RAB3A: variants seen among roughly 807,000 people sequenced by gnomAD.
RAB3A encodes ras-related protein Rab-3A.
RAB3A carries 5 observed loss-of-function variants against 19.7 expected under a neutral mutation model. The ratio of observed to expected loss-of-function variants is 0.25; its 90% CI spans 0.13 to 0.53. The LOEUF (loss-of-function observed/expected upper bound fraction) is 0.53. RAB3A is among the 20% of genes least tolerant of loss of function. The pLI is 0.95. For synonymous variants in RAB3A, 119 were observed against 122.1 expected, an observed-to-expected ratio of 0.97 and a Z score of 0.17; for missense variants, 189 against 305.6, an observed-to-expected ratio of 0.62 and a Z score of 2.85.
chr19:18,200,927 C>G lies in RAB3A; in HGVS notation c.229-482G>C, dbSNP rs1279584778. Among the ~76,000 whole-genome samples the G allele has an allele frequency of 4.6e-5, 7 of 151,142 alleles. No homozygotes were observed. In the South Asian group the frequency reaches 1.5e-3, roughly 32 times the overall value. On this transcript the variant is annotated intron_variant, in intron 2 of 4. Coordinates refer to ENST00000222256, the MANE Select transcript of RAB3A (RefSeq NM_002866.5). The stretch of plus-strand genomic sequence containing the variant: ...TTCAGCCTGGGTGACAGAGTGAAAC[C>G]CTGTCTCAAAAAACAAACAGGGGGT...
intron 4 of RAB3A, 93 bp downstream of exon 4, chr19:18,198,615 AGAAAGTGTGAATTACCT>A: frequency 7.1e-7 from 1 of 1,409,718 alleles, no homozygotes; most frequent in Non-Finnish European, 9.6e-7. Context: ...GCTAGTTTGC[AGAAAGTGTGAATTACCT>A]GGCTTTAGCT....
intron 4 of RAB3A, among the ~76,000 whole-genome samples, chr19:18,197,886 T>TC (rs1967553850): frequency 6.7e-6 from 1 of 149,146 alleles, no homozygotes; most frequent in Non-Finnish European, 1.5e-5. Flanking sequence ...TTTTTTTTTT[T>TC]TTTTTTTTTT....
At chr19:18,199,536 T>G (rs1967580144) in intron 3 of RAB3A, among the ~76,000 whole-genome samples, 1 of 151,702 alleles carries the variant, frequency 6.6e-6, no homozygotes, top group Admixed American at 6.6e-5. Context: ...ACTCTCCTTT[T>G]TTTTTTGAGA....
At position 18,202,489 on chromosome 19, in the gene RAB3A, G is replaced by C; in HGVS notation, c.228+24C>G. ...GTACGGGAATCCAACCGAGCCGGGCGGGAGCCCTCCAGCTGGGACCCACCC... is the reference window on the plus strand; with the variant it reads ...GTACGGGAATCCAACCGAGCCGGGCCGGAGCCCTCCAGCTGGGACCCACCC... On this transcript the variant is annotated intron_variant, in intron 2 of 4. Coordinates refer to ENST00000222256, the MANE Select transcript of RAB3A (RefSeq NM_002866.5). This position sits in a 1 kb window ranked among gnomAD's most constrained non-coding sequence, Gnocchi z 4.2. The C allele has an allele frequency of 6.2e-7, 1 of 1,605,576 alleles. No homozygotes were observed. Among genetic ancestry groups the C allele is most frequent in the Non-Finnish European group, 8.5e-7 (1 of 1,172,564 alleles).
Position 18,202,460 on chromosome 19 carries a change from C to A in RAB3A, c.228+53G>T. The stretch of plus-strand genomic sequence containing the variant: ...GATAGACGAGGTTGGGGCTGCTTTT[C>A]CAAGTACGGGAATCCAACCGAGCCG... On this transcript the variant is annotated intron_variant, in intron 2 of 4. Transcript: ENST00000222256. This position sits in a 1 kb window ranked among gnomAD's most constrained non-coding sequence, Gnocchi z 4.2. 1 of 1,522,830 alleles carries A rather than the reference C, an allele frequency of 6.6e-7. No individual in the cohort carries two copies. 94.3% of individuals were successfully genotyped at this position (1,522,830 alleles called of 1,614,324 possible).
rs755713110 is a variant in RAB3A, at chr19:18,202,680, A to G, written c.61T>C (p.Tyr21His). Reference protein sequence around the residue: ...QKESSDQNFDYMFKILIIGNS... With the variant: ...QKESSDQNFDHMFKILIIGNS... The stretch of plus-strand genomic sequence containing the variant: ...CCGATGATGAGAATCTTGAACATGT[A>G]GTCGAAGTTCTGATCCGAGGACTCC... Residue 21 changes from tyrosine to histidine, a missense_variant, in exon 2 of 5, where the codon TAC becomes CAC. Tyr to His is a moderately conservative substitution (Grantham distance 83). Coordinates refer to ENST00000222256, the MANE Select transcript of RAB3A (RefSeq NM_002866.5). This position sits in a 1 kb window ranked among gnomAD's most constrained non-coding sequence, Gnocchi z 4.2. 1.2e-6 allele frequency: 2 copies of G among 1,614,094 alleles called. No individual in the cohort carries two copies. The highest frequency in any genetic ancestry group is 1.7e-6 in the Non-Finnish European group (2 of 1,180,008).
Position 18,197,147 on chromosome 19 carries a change from G to A in RAB3A, c.*323C>T, listed in dbSNP as rs1967538054. On this transcript the variant is annotated 3_prime_UTR_variant, in exon 5 of 5. Coordinates refer to ENST00000222256, the MANE Select transcript of RAB3A (RefSeq NM_002866.5). ...GCCCCTCTTCACAACTGACAACTGT[G>A]GATGGGGGTGAATTTTAAAAAAAGG... 3.1e-6 allele frequency: 1 copy of A among 318,740 alleles called. No homozygotes were observed. Among genetic ancestry groups the A allele is most frequent in the African/African-American group, 2.4e-5 (1 of 41,846 alleles). The allele number at this position is 318,740 out of a possible 1,614,324, so 19.7% of individuals were successfully genotyped here.
chr19:18,201,496 GA>G (rs1370580561), intron 2 of RAB3A, among the ~76,000 whole-genome samples: 4 of 152,258 alleles, frequency 2.6e-5, no homozygotes, highest in Admixed American at 2.0e-4. Context: ...TGAGGCAGGA[GA>G]ATCGCTTGAA....
At chr19:18,198,605 G>C (rs1037873722) in intron 4 of RAB3A, 120 bp downstream of exon 4, 3 of 1,295,146 alleles carry the variant, frequency 2.3e-6, no homozygotes, top group Non-Finnish European at 3.2e-6. Context: ...CTGGATGAAG[G>C]CTAGTTTGCA....
chr19:18,198,787 C>T lies in RAB3A; in HGVS notation c.410G>A (p.Cys137Tyr), dbSNP rs1967569742. 1 of 1,614,184 alleles carries T rather than the reference C, an allele frequency of 6.2e-7. No individual in the cohort carries two copies. Among genetic ancestry groups the T allele is most frequent in the Non-Finnish European group, 8.5e-7 (1 of 1,180,030 alleles). Residue 137 changes from cysteine to tyrosine, a missense_variant, in exon 4 of 5, where the codon TGT becomes TAT. Cys to Tyr is a radical substitution (Grantham distance 194). Coordinates refer to ENST00000222256, the MANE Select transcript of RAB3A (RefSeq NM_002866.5). ...CACCACCCGCTCATCCTCCATGTCA[C>T]ACTTGTTTCCTACCAGCAGCACCTG... ...NAQVLLVGNK[C>Y]DMEDERVVSS...
intron 3 of RAB3A, 31 bp downstream of exon 3, chr19:18,200,293 AAAG>A: frequency 6.6e-7 from 1 of 1,521,948 alleles, no homozygotes; most frequent in Non-Finnish European, 9.0e-7. Context: ...AAAGAAAAGA[AAAG>A]AAAAAAAAAG....
At chr19:18,201,473 C>G (rs1967610567) in intron 2 of RAB3A, among the ~76,000 whole-genome samples, 1 of 151,994 alleles carries the variant, frequency 6.6e-6, no homozygotes, top group South Asian at 2.1e-4. Flanking sequence ...GTAATCCCAG[C>G]TACTCAGGAG....
Position 18,200,580 on chromosome 19 carries a change from G to A in RAB3A, c.229-135C>T, listed in dbSNP as rs553207897. On this transcript the variant is annotated intron_variant, in intron 2 of 4. Coordinates refer to ENST00000222256, the MANE Select transcript of RAB3A (RefSeq NM_002866.5). ...CCAGGGGCACAAAGTGTCAGGAAGA[G>A]CAGGTTGGGTCACCAGTGCTCAGAA... 137 of 673,684 alleles carry A rather than the reference G, an allele frequency of 2.0e-4. 2 individuals carry two copies. The South Asian group carries it at 2.5e-3, about 12-fold the overall frequency. The allele number at this position is 673,684 out of a possible 1,614,324, so 41.7% of individuals were successfully genotyped here. A position where few individuals can be genotyped will look rare whatever the true frequency, so the allele number is the denominator to read the frequency against.
In RAB3A at chr19:18,202,315, C is replaced by A. The variant is rs1330750742; in HGVS notation, c.228+198G>T. ...ATGGAAGAACTTGAAGATGGGGAAA[C>A]TGAGGGACCAGGATTAGGTGCTTAT... On this transcript the variant is annotated intron_variant, in intron 2 of 4. Coordinates refer to ENST00000222256, the MANE Select transcript of RAB3A (RefSeq NM_002866.5). This position sits in a 1 kb window ranked among gnomAD's most constrained non-coding sequence, Gnocchi z 4.2. 9.0e-6 allele frequency: 5 copies of A among 552,638 alleles called. No individual in the cohort carries two copies. Among genetic ancestry groups the A allele is most frequent in the Non-Finnish European group, 1.3e-5 (4 of 308,240 alleles). The allele number at this position is 552,638 out of a possible 1,614,324, so 34.2% of individuals were successfully genotyped here.
At chr19:18,200,494 C>T (rs746916771) in intron 2 of RAB3A, 49 bp from the exon 3 acceptor site, 10 of 1,466,106 alleles carry the variant, frequency 6.8e-6, no homozygotes, top group East Asian at 2.3e-5. Context: ...ATAAGGCCCT[C>T]GAAGAGGAAA....
intron 3 of RAB3A, 137 bp from the exon 4 acceptor site, chr19:18,198,986 T>C (rs1475909529): frequency 1.3e-5 from 14 of 1,097,956 alleles, no homozygotes; most frequent in Non-Finnish European, 1.6e-5. Context: ...CCACCATCCT[T>C]TCCCCCAATG....
chr19:18,200,717 T>A (rs1967596922), intron 2 of RAB3A, among the ~76,000 whole-genome samples: 1 of 151,956 alleles, frequency 6.6e-6, no homozygotes, highest in Non-Finnish European at 1.5e-5. Context: ...GGCAGGTGGC[T>A]TGAACCCAGG....
rs1193442366 is a variant in RAB3A at position 18,203,882 on chromosome 19, G to A, written c.-1+14C>T. ...GCTCGGAGCCTGAGCACACCCGGCC[G>A]CCCAGGAGCTCACCTTGCCCTGCAC... On this transcript the variant is annotated intron_variant, in intron 1 of 4. Coordinates refer to ENST00000222256, the MANE Select transcript of RAB3A (RefSeq NM_002866.5). 6.5e-6 allele frequency: 1 copy of A among 153,202 alleles called. No homozygotes were observed. The highest frequency in any genetic ancestry group is 1.5e-5 in the Non-Finnish European group (1 of 68,344). 9.5% of individuals were successfully genotyped at this position (153,202 alleles called of 1,614,324 possible). A position where few individuals can be genotyped will look rare whatever the true frequency, so the allele number is the denominator to read the frequency against.
At chr19:18,201,308 G>A (rs1368328531) in intron 2 of RAB3A, among the ~76,000 whole-genome samples, 2 of 145,324 alleles carry the variant, frequency 1.4e-5, no homozygotes, top group African/African-American at 5.0e-5. Context: ...GAGGCCAGGC[G>A]TGGTGGCTCA....
Sources: allele counts gnomAD v4.1 joint callset (sites outside exome capture counted in the v4.1 genomes callset), GRCh38; gene constraint gnomAD v4.1.1; non-coding constraint Gnocchi (gnomAD v3.1); transcripts MANE v1.5; gene names NCBI Gene and HGNC (gene_info 2026-07-23, HGNC 2026-07-21).